The following ZNF385D variants were observed in gnomAD, a reference collection of about 807,000 sequenced individuals.
ZNF385D encodes the protein zinc finger protein 659.
ZNF385D carries 15 observed loss-of-function variants against 35.8 expected under a neutral mutation model. That is an observed-to-expected ratio of 0.42 (90% CI 0.28 to 0.64). ZNF385D has a LOEUF of 0.64. ZNF385D is among the 30% of genes least tolerant of loss of function. The pLI is 0.23. For synonymous variants in ZNF385D, 212 were observed against 186.8 expected, an observed-to-expected ratio of 1.13 and a Z score of -1.10; for missense variants, 474 against 494.6, an observed-to-expected ratio of 0.96 and a Z score of 0.39.
intron 4 of ZNF385D, among the ~76,000 whole-genome samples, chr3:21,447,824 G>T (rs970173823): frequency 6.6e-6 from 1 of 152,134 alleles, no homozygotes; most frequent in Admixed American, 6.6e-5. Flanking sequence ...CTAGAATCCT[G>T]TTAGGCAGCA....
At chr3:21,947,842 A>G (rs373707823) in intron 3 of ZNF385D, among the ~76,000 whole-genome samples, 9 of 152,100 alleles carry the variant, frequency 5.9e-5, no homozygotes, top group East Asian at 3.9e-4. Context: ...AGGGTTATGT[A>G]TTTGTCTATA....
chr3:22,199,789 C>G (rs1014695227), intron 2 of ZNF385D, among the ~76,000 whole-genome samples: 9 of 151,814 alleles, frequency 5.9e-5, no homozygotes, highest in Non-Finnish European at 8.8e-5. Context: ...GAATTAATAC[C>G]CAGTCAACAA....
intron 2 of ZNF385D, among the ~76,000 whole-genome samples, chr3:22,307,423 C>T (rs946059295): frequency 6.6e-6 from 1 of 152,078 alleles, no homozygotes; most frequent in African/African-American, 2.4e-5. Flanking sequence ...TAGAAAGCTT[C>T]ATGATAGCAG....
chr3:22,213,679 T>G (rs1046517588), intron 2 of ZNF385D, among the ~76,000 whole-genome samples: 1 of 152,032 alleles, frequency 6.6e-6, no homozygotes, highest in Admixed American at 6.6e-5. Context: ...ATATTGTTCA[T>G]TAAGTCACTA....
intron 3 of ZNF385D, among the ~76,000 whole-genome samples, chr3:21,987,504 T>C (rs1349893462): frequency 2.3e-5 from 3 of 127,884 alleles, no homozygotes; most frequent in Admixed American, 7.2e-5. Context: ...GCCCCCACTC[T>C]CTTCTGGCTT....
At chr3:21,875,425 C>T (rs778634319) in intron 3 of ZNF385D, among the ~76,000 whole-genome samples, 5 of 151,992 alleles carry the variant, frequency 3.3e-5, no homozygotes, top group Non-Finnish European at 7.4e-5. Flanking sequence ...ACCCTTTTAT[C>T]CTCATATCTT....
chr3:21,925,257 C>G (rs952587009), intron 3 of ZNF385D, among the ~76,000 whole-genome samples: 3 of 152,040 alleles, frequency 2.0e-5, no homozygotes, highest in African/African-American at 4.8e-5. Flanking sequence ...TTCTATATAG[C>G]TATGACAACC....
intron 3 of ZNF385D, among the ~76,000 whole-genome samples, chr3:21,952,911 C>T (rs978993288): frequency 5.3e-5 from 8 of 151,982 alleles, no homozygotes; most frequent in African/African-American, 1.4e-4. Context: ...AAAATGTTCA[C>T]GGTCTATAAA....
At chr3:21,478,675 C>A (rs1704402922) in intron 4 of ZNF385D, among the ~76,000 whole-genome samples, 1 of 152,126 alleles carries the variant, frequency 6.6e-6, no homozygotes, top group African/African-American at 2.4e-5. Context: ...TCCTCTGATA[C>A]AGAAAGAATC....
chr3:22,306,539 G>T (rs568642582), intron 2 of ZNF385D, among the ~76,000 whole-genome samples: 91 of 152,132 alleles, frequency 6.0e-4, no homozygotes, highest in Admixed American at 1.4e-3. Context: ...ATAATCAAGA[G>T]AACAAGACAC....
intron 2 of ZNF385D, among the ~76,000 whole-genome samples, chr3:22,205,732 C>G (rs1216653630): frequency 6.6e-6 from 1 of 151,694 alleles, no homozygotes; most frequent in Non-Finnish European, 1.5e-5. Flanking sequence ...CATGGTAACT[C>G]CACATCTAAA....
chr3:21,527,161 G>A (rs895444579), intron 3 of ZNF385D, among the ~76,000 whole-genome samples: 39 of 152,104 alleles, frequency 2.6e-4, no homozygotes, highest in Admixed American at 1.7e-3. Flanking sequence ...TTTTCTATCA[G>A]TAGGTACATA....
intron 3 of ZNF385D, among the ~76,000 whole-genome samples, chr3:21,552,809 AAT>A (rs1333940696): frequency 2.0e-5 from 3 of 152,222 alleles, no homozygotes; most frequent in South Asian, 4.1e-4. Flanking sequence ...GGAAAATATG[AAT>A]ATGTTACATT....
intron 2 of ZNF385D, among the ~76,000 whole-genome samples, chr3:22,304,666 C>A (rs912134002): frequency 6.6e-6 from 1 of 152,114 alleles, no homozygotes; most frequent in African/African-American, 2.4e-5. Flanking sequence ...AGGTTTCCAA[C>A]TACATCTGGT....
chr3:21,738,854 T>C (rs186731162), intron 1 of ZNF385D, among the ~76,000 whole-genome samples: 120 of 152,362 alleles, frequency 7.9e-4, no homozygotes, highest in African/African-American at 2.6e-3. Context: ...CATTTTATAC[T>C]TAAAGAAAGC....
chr3:21,960,457 T>TA (rs34913950), intron 3 of ZNF385D, among the ~76,000 whole-genome samples: 1 of 151,810 alleles, frequency 6.6e-6, no homozygotes. Context: ...GTGGATGCAG[T>TA]AAAAAACGGA....
intron 2 of ZNF385D, among the ~76,000 whole-genome samples, chr3:22,186,299 A>G (rs567075831): frequency 1.3e-5 from 2 of 152,296 alleles, no homozygotes; most frequent in South Asian, 4.1e-4. Flanking sequence ...TGAGTTCAGA[A>G]GTAATTTGAC....
At chr3:21,645,027 A>G (rs1288833214) in intron 2 of ZNF385D, among the ~76,000 whole-genome samples, 1 of 152,202 alleles carries the variant, frequency 6.6e-6, no homozygotes, top group Non-Finnish European at 1.5e-5. Context: ...ACAAACAGGA[A>G]AGCTAACTTG....
At chr3:21,595,013 G>A (rs965964116) in intron 2 of ZNF385D, among the ~76,000 whole-genome samples, 5 of 152,228 alleles carry the variant, frequency 3.3e-5, no homozygotes, top group African/African-American at 1.2e-4. Flanking sequence ...TTTATAACCA[G>A]CATTAACGAG....
Sources: gnomAD v4.1 joint callset for allele counts (sites outside exome capture counted in the v4.1 genomes callset) on GRCh38, gnomAD v4.1.1 for gene constraint, MANE v1.5 for transcripts, NCBI Gene and HGNC (gene_info 2026-07-23, HGNC 2026-07-21) for gene names.